The following LINGO2 variants were observed in gnomAD, a reference collection of about 807,000 sequenced individuals.
LINGO2 encodes leucine rich repeat and Ig domain containing 2, also known as leucine-rich repeat and immunoglobulin-like domain-containing nogo receptor-interacting protein 2.
Under a neutral mutation model 30.6 loss-of-function variants are expected in LINGO2, and 14 were observed. The observed-to-expected ratio is 0.46, with a 90% CI of 0.30 to 0.72. LINGO2 has a LOEUF of 0.72. Among genes scored for constraint, LINGO2 ranks in the 30% least tolerant of loss-of-function variants. LINGO2 has a pLI of 0.07. For missense variants in LINGO2, 729 were observed against 751.7 expected (o/e 0.97, Z 0.35); for synonymous variants, 317 against 288.5 (o/e 1.10, Z -1.00).
intron 4 of LINGO2, among the ~76,000 whole-genome samples, chr9:28,180,537 T>C (rs545599570): frequency 6.6e-6 from 1 of 152,298 alleles, no homozygotes; most frequent in South Asian, 2.1e-4. Flanking sequence ...GTTGTCTTTG[T>C]CTTGCTTCAT....
chr9:29,047,567 G>A, the LINGO2 span, among the ~76,000 whole-genome samples: 3 of 152,094 alleles, frequency 2.0e-5, no homozygotes, highest in East Asian at 1.9e-4. Context: ...TTTGGAAGAC[G>A]ACAAGGATGC....
intron 2 of LINGO2, among the ~76,000 whole-genome samples, chr9:28,458,461 A>C (rs1824942090): frequency 6.6e-6 from 1 of 152,124 alleles, no homozygotes; most frequent in South Asian, 2.1e-4. Context: ...ATTATTCACC[A>C]TGAAAAATAT....
At chr9:28,877,134 T>G in the LINGO2 span, among the ~76,000 whole-genome samples, 29 of 151,862 alleles carry the variant, frequency 1.9e-4, no homozygotes, top group African/African-American at 5.8e-4. Flanking sequence ...TGAGTTCATT[T>G]TAGATTCTGG....
At chr9:28,902,147 A>C in the LINGO2 span, among the ~76,000 whole-genome samples, 1 of 152,232 alleles carries the variant, frequency 6.6e-6, no homozygotes, top group African/African-American at 2.4e-5. Flanking sequence ...AAAGACACAC[A>C]GACTCATTTG....
intron 2 of LINGO2, among the ~76,000 whole-genome samples, chr9:28,426,816 G>T (rs1445930349): frequency 6.6e-6 from 1 of 151,930 alleles, no homozygotes; most frequent in African/African-American, 2.4e-5. Flanking sequence ...TTTTTAGAGT[G>T]AGAACACAGA....
At chr9:28,322,409 G>T (rs1480955919) in intron 3 of LINGO2, among the ~76,000 whole-genome samples, 1 of 150,416 alleles carries the variant, frequency 6.6e-6, no homozygotes, top group East Asian at 2.0e-4. Context: ...TTGCATATTT[G>T]ATAGTTCCTA....
chr9:29,163,917 C>T, the LINGO2 span, among the ~76,000 whole-genome samples: 1 of 152,176 alleles, frequency 6.6e-6, no homozygotes, highest in South Asian at 2.1e-4. Flanking sequence ...ATTTCCCCAC[C>T]TGGTGTACTT....
the LINGO2 span, among the ~76,000 whole-genome samples, chr9:28,877,581 T>G: frequency 1.3e-5 from 2 of 152,054 alleles, no homozygotes; most frequent in Non-Finnish European, 2.9e-5. Context: ...GCGTTATTTC[T>G]GAGGGCTCTG....
At chr9:28,203,443 T>C (rs916662575) in intron 4 of LINGO2, among the ~76,000 whole-genome samples, 6 of 152,108 alleles carry the variant, frequency 3.9e-5, no homozygotes, top group Non-Finnish European at 8.8e-5. Context: ...GTATTTCTTT[T>C]GGGCCTAGGT....
Position 28,015,045 on chromosome 9 carries a change from C to T in LINGO2, c.-86-2640G>A, listed in dbSNP as rs75538759. Among the ~76,000 whole-genome samples, 2,251 of 152,114 alleles carry T rather than the reference C, an allele frequency of 0.015. 235 individuals are homozygous for T. The East Asian group carries it at 0.28, about 19-fold the overall frequency. On this transcript the variant is annotated intron_variant, in intron 4 of 5. Coordinates refer to ENST00000379992, the Ensembl canonical transcript of LINGO2. Reference sequence around the variant, plus strand: ...ATTTTTAGTGGGTAGAGTTATATATCACATATAGCAAAGTTGTGTCTCAAA... The same window carrying T: ...ATTTTTAGTGGGTAGAGTTATATATTACATATAGCAAAGTTGTGTCTCAAA...
At chr9:28,076,779 C>T (rs1021519673) in intron 4 of LINGO2, among the ~76,000 whole-genome samples, 7 of 152,042 alleles carry the variant, frequency 4.6e-5, no homozygotes, top group African/African-American at 1.7e-4. Flanking sequence ...AGGTCCATTC[C>T]ACTGGCTTCT....
At chr9:28,161,047 C>G (rs1828271081) in intron 4 of LINGO2, among the ~76,000 whole-genome samples, 1 of 152,202 alleles carries the variant, frequency 6.6e-6, no homozygotes. Context: ...TCTGCCATTG[C>G]ATCATTAACC....
chr9:28,906,376 A>T, the LINGO2 span, among the ~76,000 whole-genome samples: 1 of 151,922 alleles, frequency 6.6e-6, no homozygotes, highest in Non-Finnish European at 1.5e-5. Context: ...CCAAATGTAT[A>T]CATATTTCAA....
chr9:28,271,602 T>C lies in LINGO2; in HGVS notation c.-87+23606A>G, dbSNP rs981528095. 2.0e-5 allele frequency among the ~76,000 whole-genome samples: 3 copies of C among 152,182 alleles called. 1 individual carries two copies. The South Asian group carries it at 6.2e-4, about 32-fold the overall frequency. The stretch of plus-strand genomic sequence containing the variant: ...AGCTTCTACCATTTTCAAATCTGAA[T>C]TGGAAATCTACCAAGAATCAGCCTT... On this transcript the variant is annotated intron_variant, in intron 4 of 5. Coordinates refer to ENST00000379992, the Ensembl canonical transcript of LINGO2.
the LINGO2 span, among the ~76,000 whole-genome samples, chr9:29,162,519 T>C: frequency 6.6e-6 from 1 of 152,064 alleles, no homozygotes; most frequent in African/African-American, 2.4e-5. Context: ...TATATGTTCA[T>C]CAAATGAATA....
chr9:28,311,896 A>T lies in LINGO2; in HGVS notation c.-245-16530T>A, dbSNP rs561632012. Among the ~76,000 whole-genome samples, 5 of 152,326 alleles carry T rather than the reference A, an allele frequency of 3.3e-5. No individual in the cohort carries two copies. In the South Asian group the frequency reaches 8.3e-4, roughly 25 times the overall value. On this transcript the variant is annotated intron_variant, in intron 3 of 5. Coordinates refer to ENST00000379992, the Ensembl canonical transcript of LINGO2. ...TAGGGGAAGTGATAAGTATCCATGA[A>T]ATCTTCACAATTTATATTCAGAGAC...
At chr9:28,943,769 G>A in the LINGO2 span, among the ~76,000 whole-genome samples, 87 of 152,308 alleles carry the variant, frequency 5.7e-4, no homozygotes, top group African/African-American at 2.1e-3. Context: ...AGAAGGTGGT[G>A]AGAAGAATAG....
intron 1 of LINGO2, among the ~76,000 whole-genome samples, chr9:28,494,780 G>T (rs867419493): frequency 6.6e-6 from 1 of 152,162 alleles, no homozygotes; most frequent in African/African-American, 2.4e-5. Context: ...CTAGATCCTT[G>T]AGGAATCCCC....
At chr9:28,053,894 T>C (rs1177613711) in intron 4 of LINGO2, among the ~76,000 whole-genome samples, 1 of 152,184 alleles carries the variant, frequency 6.6e-6, no homozygotes, top group East Asian at 1.9e-4. Context: ...TATCAATAGC[T>C]AGCCAAAGAA....
Sources: gnomAD v4.1 joint callset for allele counts (sites outside exome capture counted in the v4.1 genomes callset) on GRCh38, gnomAD v4.1.1 for gene constraint, MANE v1.5 for transcripts, NCBI Gene and HGNC (gene_info 2026-07-23, HGNC 2026-07-21) for gene names.